The following SGK3 variants were observed in gnomAD, a reference collection of about 807,000 sequenced individuals.
SGK3 encodes the protein serine/threonine-protein kinase Sgk3.
In SGK3, 47 loss-of-function variants were observed where a neutral mutation model predicts 68.5. The observed-to-expected ratio is 0.69, with a 90% CI of 0.54 to 0.87. The LOEUF is 0.87. Among genes scored for constraint, SGK3 ranks in the 40% least tolerant of loss-of-function variants. SGK3 has a pLI of 0.00. For synonymous variants in SGK3, 181 were observed against 189.1 expected, an observed-to-expected ratio of 0.96 and a Z score of 0.35; for missense variants, 479 against 575.5, an observed-to-expected ratio of 0.83 and a Z score of 1.72.
chr8:66,723,131 A>ATT (rs1177940065), intron 1 of SGK3, among the ~76,000 whole-genome samples: 591 of 29,480 alleles, frequency 0.02, 92 homozygotes, highest in East Asian at 0.053. Flanking sequence ...ATATATATAT[A>ATT]TTTTTTTTTT....
intron 1 of SGK3, among the ~76,000 whole-genome samples, chr8:66,748,816 A>AT (rs1168548583): frequency 1.3e-5 from 2 of 152,198 alleles, no homozygotes; most frequent in African/African-American, 4.8e-5. Flanking sequence ...GAAACTTGTC[A>AT]TGTCAGAGTT....
At chr8:66,735,850 G>T (rs1805303205) in intron 1 of SGK3, among the ~76,000 whole-genome samples, 1 of 151,938 alleles carries the variant, frequency 6.6e-6, no homozygotes, top group South Asian at 2.1e-4. Flanking sequence ...TTCTTTCTGT[G>T]ATTAAAGAAT....
rs986380864 is a variant in SGK3, at chr8:66,808,622, T to G, written c.253+4175T>G. On this transcript the variant is annotated intron_variant, in intron 4 of 16. Transcript: ENST00000521198. ...TCCACCTCCTGAGTTCAGGCGATTC[T>G]CCTGCCTCAACCTCATGAGTAGCTG... Among the ~76,000 whole-genome samples the G allele has an allele frequency of 5.3e-5, 8 of 151,366 alleles. No individual in the cohort carries two copies. The Admixed American group carries it at 5.3e-4, about 10-fold the overall frequency.
At chr8:66,813,719 G>A (rs1235984695) in intron 4 of SGK3, 134 bp from the exon 5 acceptor site, 2 of 484,130 alleles carry the variant, frequency 4.1e-6, no homozygotes, top group South Asian at 9.2e-5. Flanking sequence ...TATTCCTTGT[G>A]TGACAAGTAG....
At chr8:66,748,946 G>A (rs2130424797) in intron 1 of SGK3, among the ~76,000 whole-genome samples, 1 of 151,970 alleles carries the variant, frequency 6.6e-6, no homozygotes, top group East Asian at 1.9e-4. Flanking sequence ...CCAGGCTGGA[G>A]TGCAGTGACA....
intron 1 of SGK3, among the ~76,000 whole-genome samples, chr8:66,770,952 G>T (rs917580950): frequency 2.0e-5 from 3 of 152,120 alleles, no homozygotes; most frequent in Non-Finnish European, 4.4e-5. Context: ...GTAAGCTGCG[G>T]GTAAATTTTG....
chr8:66,797,632 A>G (rs572460265), intron 2 of SGK3, among the ~76,000 whole-genome samples: 1 of 152,302 alleles, frequency 6.6e-6, no homozygotes, highest in South Asian at 2.1e-4. Flanking sequence ...AATACTAGGA[A>G]ATCTGAGGAT....
chr8:66,805,778 C>T (rs1332087732), intron 4 of SGK3, among the ~76,000 whole-genome samples: 1 of 152,184 alleles, frequency 6.6e-6, no homozygotes, highest in Non-Finnish European at 1.5e-5. Flanking sequence ...CCCTCCTTCC[C>T]CAACTAATTT....
At chr8:66,772,738 T>C (rs1303479579) in intron 1 of SGK3, among the ~76,000 whole-genome samples, 1 of 151,998 alleles carries the variant, frequency 6.6e-6, no homozygotes, top group African/African-American at 2.4e-5. Flanking sequence ...TTCTTTTGTA[T>C]TTTTAGTAGA....
In SGK3 at chr8:66,812,924, C is replaced by T. The variant is rs1165171547; in HGVS notation, c.254-929C>T. Among the ~76,000 whole-genome samples the T allele has an allele frequency of 3.3e-5, 5 of 152,248 alleles. No homozygotes were observed. In the East Asian group the frequency reaches 9.6e-4, roughly 29 times the overall value. ...AATATTTATTCCTAAATTGCTATTG[C>T]ATGAGCTTCAATTATCAACAAACAA... On this transcript the variant is annotated intron_variant, in intron 4 of 16. Transcript: ENST00000521198.
intron 7 of SGK3, among the ~76,000 whole-genome samples, chr8:66,829,268 G>A (rs1428271853): frequency 6.6e-6 from 1 of 152,134 alleles, no homozygotes; most frequent in Non-Finnish European, 1.5e-5. Context: ...TGGTCTTGCT[G>A]CCCTTACTTG....
At chr8:66,796,407 C>T (rs1373217471) in intron 2 of SGK3, among the ~76,000 whole-genome samples, 6 of 142,186 alleles carry the variant, frequency 4.2e-5, no homozygotes, top group Admixed American at 1.5e-4. Context: ...CCTCGTGATC[C>T]GCCCACCTCG....
In SGK3 at chr8:66,768,508, G is replaced by A. The variant is rs182402483; in HGVS notation, c.-121-25108G>A. Among the ~76,000 whole-genome samples the A allele has an allele frequency of 5.3e-3, 812 of 151,776 alleles. 11 individuals carry two copies. Among genetic ancestry groups the A allele is most frequent in the African/African-American group, 0.018 (730 of 41,378 alleles). On this transcript the variant is annotated intron_variant, in intron 1 of 16. Transcript: ENST00000521198. ...ATTTTTGGTAGGTAAATAATTTTAGGTTGACAGATTTTTTTATTCAGTACA... is the reference window on the plus strand; with the variant it reads ...ATTTTTGGTAGGTAAATAATTTTAGATTGACAGATTTTTTTATTCAGTACA...
intron 4 of SGK3, among the ~76,000 whole-genome samples, chr8:66,810,325 G>A (rs1266697600): frequency 1.3e-5 from 2 of 151,944 alleles, no homozygotes; most frequent in Non-Finnish European, 2.9e-5. Context: ...AATTGGAATA[G>A]CAGAATGTTG....
rs571069017 is a variant in SGK3 at position 66,816,909 on chromosome 8, C to G, written c.329+2981C>G. Among the ~76,000 whole-genome samples the G allele has an allele frequency of 5.3e-5, 8 of 152,266 alleles. No individual in the cohort carries two copies. The South Asian group carries it at 1.0e-3, about 20-fold the overall frequency. ...GCAGTGGCGTGATCTCGGCTCACTG[C>G]AACCTCCGCTCCCTGGGCTCAAGCA... On this transcript the variant is annotated intron_variant, in intron 5 of 16. Transcript: ENST00000521198.
intron 1 of SGK3, among the ~76,000 whole-genome samples, chr8:66,719,667 T>G (rs1804743552): frequency 6.6e-6 from 1 of 152,170 alleles, no homozygotes; most frequent in South Asian, 2.1e-4. Context: ...TAGATCTATA[T>G]CGTTAGTTTT....
At chr8:66,736,854 G>A (rs561307513) in intron 1 of SGK3, among the ~76,000 whole-genome samples, 52 of 150,846 alleles carry the variant, frequency 3.4e-4, no homozygotes, top group African/African-American at 1.3e-3. Flanking sequence ...CCCGACCTCA[G>A]GTGATCCACC....
At chr8:66,756,100 A>G (rs1805965013) in intron 1 of SGK3, among the ~76,000 whole-genome samples, 2 of 152,124 alleles carry the variant, frequency 1.3e-5, no homozygotes, top group Admixed American at 6.6e-5. Flanking sequence ...CAGTATGACC[A>G]TTGTTCTTAT....
chr8:66,777,807 A>G (rs1322898793), intron 1 of SGK3: 1 of 152,268 alleles, frequency 6.6e-6, no homozygotes, highest in Non-Finnish European at 1.5e-5. Context: ...ATAGATGAAG[A>G]GATGAGTTCC....
Sources: gnomAD v4.1 joint callset for allele counts (sites outside exome capture counted in the v4.1 genomes callset) on GRCh38, gnomAD v4.1.1 for gene constraint, MANE v1.5 for transcripts, NCBI Gene and HGNC (gene_info 2026-07-23, HGNC 2026-07-21) for gene names.